The following OCIAD1 variants were observed in gnomAD, a reference collection of about 807,000 sequenced individuals.
OCIAD1 encodes the protein OCIA domain containing 1.
A neutral mutation model predicts 38.9 loss-of-function variants in OCIAD1; 29 were observed. That is an observed-to-expected ratio of 0.74 (90% CI 0.55 to 1.02). The LOEUF (loss-of-function observed/expected upper bound fraction) is 1.02. Among genes scored for constraint, OCIAD1 ranks in the 50% least tolerant of loss-of-function variants. OCIAD1 has a pLI of 0.00. For synonymous variants in OCIAD1, 110 were observed against 92.0 expected (o/e 1.20, Z -1.12); for missense variants, 288 against 289.6 (o/e 0.99, Z 0.04).
At chr4:48,828,327 A>T (rs1438505199), upstream of OCIAD1, among the ~76,000 whole-genome samples, 3 of 152,234 alleles carry the variant, frequency 2.0e-5, no homozygotes, top group Non-Finnish European at 1.5e-5. Context: ...AAAATTGACC[A>T]ATCAGCTCTC....
rs530527554 is a variant in OCIAD1 at position 48,831,200 on chromosome 4, C to T, written c.-55C>T. The T allele has an allele frequency of 8.9e-6, 3 of 338,968 alleles. No individual in the cohort carries two copies. The Admixed American group carries it at 1.2e-4, about 14-fold the overall frequency. 21.0% of individuals were successfully genotyped at this position (338,968 alleles called of 1,614,324 possible). The stretch of plus-strand genomic sequence containing the variant: ...TCGAGTCCACCCTCCGGGCCTTCTG[C>T]CCCTGATCGCTTGGTTTTCCTTGCA... On this transcript the variant is annotated 5_prime_UTR_variant, in exon 1 of 9. Transcript: ENST00000264312.
intron 1 of OCIAD1, among the ~76,000 whole-genome samples, chr4:48,822,403 A>G (rs1777203187): frequency 6.6e-6 from 1 of 152,258 alleles, no homozygotes; most frequent in South Asian, 2.1e-4. Flanking sequence ...CTCAAGATGC[A>G]TTAAAGACTT....
intron 1 of OCIAD1, among the ~76,000 whole-genome samples, chr4:48,815,534 T>C (rs1339231673): frequency 1.3e-5 from 2 of 152,200 alleles, no homozygotes; most frequent in African/African-American, 4.8e-5. Context: ...GGAGGATCTT[T>C]AAGAAGTGCT....
At chr4:48,831,909 T>G (rs1777540834) in intron 1 of OCIAD1, among the ~76,000 whole-genome samples, 1 of 152,222 alleles carries the variant, frequency 6.6e-6, no homozygotes. Context: ...AGAATAATCA[T>G]GATCCCACGT....
At chr4:48,817,254 C>A (rs1777152492) in intron 1 of OCIAD1, among the ~76,000 whole-genome samples, 1 of 152,200 alleles carries the variant, frequency 6.6e-6, no homozygotes, top group African/African-American at 2.4e-5. Context: ...GGTTACTACA[C>A]TTTTTCCACG....
chr4:48,852,015 T>C, intron 7 of OCIAD1, 40 bp downstream of exon 7: 1 of 1,506,398 alleles, frequency 6.6e-7, no homozygotes, highest in Non-Finnish European at 9.1e-7. Flanking sequence ...CATTTTATGG[T>C]CCAACGTATG....
chr4:48,821,177 C>T (rs978854502), intron 1 of OCIAD1, among the ~76,000 whole-genome samples: 4 of 152,154 alleles, frequency 2.6e-5, no homozygotes, highest in African/African-American at 7.2e-5. Flanking sequence ...CCAAATCGAG[C>T]AGCACATTAA....
intron 1 of OCIAD1, among the ~76,000 whole-genome samples, chr4:48,825,981 C>T (rs1777245546): frequency 6.6e-6 from 1 of 151,960 alleles, no homozygotes; most frequent in Non-Finnish European, 1.5e-5. Context: ...GGATTACAGG[C>T]ATGCACCACC....
At chr4:48,841,917 C>T (rs1427198662) in intron 3 of OCIAD1, among the ~76,000 whole-genome samples, 2 of 152,084 alleles carry the variant, frequency 1.3e-5, no homozygotes, top group African/African-American at 4.8e-5. Context: ...GAAGAAAGAA[C>T]ATAAGTGTTT....
intron 1 of OCIAD1, among the ~76,000 whole-genome samples, chr4:48,816,069 A>C (rs949701004): frequency 6.6e-6 from 1 of 152,224 alleles, no homozygotes; most frequent in African/African-American, 2.4e-5. Context: ...TCACAAATGT[A>C]TAAAGTGGCC....
chr4:48,838,317 C>CAA (rs577293228), intron 3 of OCIAD1, among the ~76,000 whole-genome samples: 3 of 82,034 alleles, frequency 3.7e-5, no homozygotes, highest in Non-Finnish European at 5.0e-5. Context: ...GACTCCATCT[C>CAA]AAAAAAAAAA....
chr4:48,861,223 CAAATA>C lies in OCIAD1; in HGVS notation c.*466_*470del, dbSNP rs1780573822. The C allele has an allele frequency of 1.3e-5, 2 of 153,046 alleles. No homozygotes were observed. The highest frequency in any genetic ancestry group is 1.3e-4 in the Admixed American group (2 of 15,274). The allele number at this position is 153,046 out of a possible 1,614,324, so 9.5% of individuals were successfully genotyped here. A position where few individuals can be genotyped will look rare whatever the true frequency, so the allele number is the denominator to read the frequency against. ...TTCTGTATTATCTTAATGTTTATGG[CAAATA>C]AAATGTAAAGGAACATGCAACAGCC... On this transcript the variant is annotated 3_prime_UTR_variant, in exon 9 of 9. Coordinates refer to ENST00000264312, the MANE Select transcript of OCIAD1 (RefSeq NM_017830.4).
rs564608017 is a variant in OCIAD1, at chr4:48,821,958, G to C, written c.-102-8619G>C. ...TAGGAACAATCAATACTGTGAAAAT[G>C]GCCACACTGCCCAAGGTAATTTATA... On this transcript the variant is annotated intron_variant, in intron 1 of 6. Coordinates refer to the OCIAD1 transcript ENST00000504654. Among the ~76,000 whole-genome samples the C allele has an allele frequency of 1.5e-3, 230 of 152,262 alleles. 1 individual carries two copies. Among genetic ancestry groups the C allele is most frequent in the African/African-American group, 5.3e-3 (222 of 41,552 alleles).
At chr4:48,850,208 A>C (rs1216438741) in intron 6 of OCIAD1, 126 bp downstream of exon 6, 2 of 958,890 alleles carry the variant, frequency 2.1e-6, no homozygotes, top group Non-Finnish European at 3.2e-6. Flanking sequence ...GCTGTAGGCT[A>C]AAAGTAATTT....
rs1223940058 is a variant in OCIAD1, at chr4:48,816,754, C to T, written c.-103+11424C>T. Reference sequence around the variant, plus strand: ...GGGAGGCCAAGGCAGGAGGAACACCCGAGATCAGGAGTTTGAGACCAGCCT... The same window carrying T: ...GGGAGGCCAAGGCAGGAGGAACACCTGAGATCAGGAGTTTGAGACCAGCCT... On this transcript the variant is annotated intron_variant, in intron 1 of 6. Transcript: ENST00000504654. Among the ~76,000 whole-genome samples, 10 of 151,760 alleles carry T rather than the reference C, an allele frequency of 6.6e-5. No homozygotes were observed. The South Asian group carries it at 1.2e-3, about 19-fold the overall frequency.
At chr4:48,829,140 G>C (rs1777290720), upstream of OCIAD1, among the ~76,000 whole-genome samples, 3 of 151,836 alleles carry the variant, frequency 2.0e-5, no homozygotes, top group Non-Finnish European at 2.9e-5. Context: ...CACACCTGTG[G>C]TCCCAGCTAC....
chr4:48,860,580 C>CAG (rs1780510237), intron 8 of OCIAD1, 145 bp from the exon 9 acceptor site: 1 of 685,916 alleles, frequency 1.5e-6, no homozygotes, highest in South Asian at 1.7e-5. Context: ...TCTGGTCATC[C>CAG]CCTTTTTGTA....
chr4:48,847,431 A>G (rs1305167825), intron 4 of OCIAD1, among the ~76,000 whole-genome samples: 3 of 152,116 alleles, frequency 2.0e-5, no homozygotes, highest in Non-Finnish European at 4.4e-5. Flanking sequence ...CCAATTTATC[A>G]GGTTTCTTCT....
chr4:48,825,406 CTTCAGCAGCCCCATAGGCCCCT>C (rs1777239509), intron 1 of OCIAD1, among the ~76,000 whole-genome samples: 1 of 152,238 alleles, frequency 6.6e-6, no homozygotes, highest in African/African-American at 2.4e-5. Context: ...ACATGAATAT[CTTCAGCAGCCCCATAGGCCCCT>C]TGCCCATGAT....
Sources: allele counts gnomAD v4.1 joint callset (sites outside exome capture counted in the v4.1 genomes callset), GRCh38; gene constraint gnomAD v4.1.1; transcripts MANE v1.5; gene names NCBI Gene and HGNC (gene_info 2026-07-23, HGNC 2026-07-21).